Variants in PDE4D observed in about 807,000 individuals in gnomAD.
The protein encoded by PDE4D is phosphodiesterase 4D.
Under a neutral mutation model 87.4 loss-of-function variants are expected in PDE4D, and 24 were observed. The ratio of observed to expected loss-of-function variants is 0.27; its 90% CI spans 0.20 to 0.39. PDE4D has a LOEUF of 0.39. Ranked by LOEUF, PDE4D falls within the 10% of genes least tolerant of loss-of-function variation. The pLI, the probability that PDE4D is intolerant of heterozygous loss-of-function variation, is 1.00. For missense variants in PDE4D, 714 were observed against 1,041.0 expected, an observed-to-expected ratio of 0.69 and a Z score of 4.32; for synonymous variants, 384 against 383.2, an observed-to-expected ratio of 1.00 and a Z score of -0.02.
At chr5:59,211,083 A>T (rs964253906) in intron 2 of PDE4D, among the ~76,000 whole-genome samples, 1 of 152,188 alleles carries the variant, frequency 6.6e-6, no homozygotes, top group Admixed American at 6.6e-5. Flanking sequence ...ATGTTACTTC[A>T]TGACACCACT....
intron 2 of PDE4D, among the ~76,000 whole-genome samples, chr5:60,129,587 C>T (rs1179889412): frequency 1.3e-5 from 2 of 152,070 alleles, no homozygotes; most frequent in Non-Finnish European, 2.9e-5. Context: ...TTTGTATATC[C>T]ATGAAGCTGG....
chr5:59,996,548 G>A (rs1321451107), intron 2 of PDE4D, among the ~76,000 whole-genome samples: 1 of 152,128 alleles, frequency 6.6e-6, no homozygotes, highest in Admixed American at 6.5e-5. Context: ...CCATGAAATT[G>A]TTAATAATGC....
At chr5:59,128,159 C>CT (rs1450156509) in intron 5 of PDE4D, among the ~76,000 whole-genome samples, 1 of 151,988 alleles carries the variant, frequency 6.6e-6, no homozygotes, top group Non-Finnish European at 1.5e-5. Context: ...GACACAGTGG[C>CT]TAAGACCCTC....
At chr5:59,190,723 G>A (rs1744119344) in intron 3 of PDE4D, among the ~76,000 whole-genome samples, 1 of 152,158 alleles carries the variant, frequency 6.6e-6, no homozygotes, top group Non-Finnish European at 1.5e-5. Flanking sequence ...TGCCAATCAT[G>A]TCCAACAGGG....
chr5:59,098,422 G>C (rs1371671519), intron 5 of PDE4D, among the ~76,000 whole-genome samples: 1 of 152,074 alleles, frequency 6.6e-6, no homozygotes, highest in Non-Finnish European at 1.5e-5. Context: ...TGTAGCCTGG[G>C]CATGTTGGCT....
chr5:60,508,812 C>T (rs1750432815), intron 1 of PDE4D, among the ~76,000 whole-genome samples: 1 of 152,116 alleles, frequency 6.6e-6, no homozygotes, highest in Non-Finnish European at 1.5e-5. Flanking sequence ...AACACCCTGC[C>T]AGCAGCTCTA....
intron 5 of PDE4D, among the ~76,000 whole-genome samples, chr5:59,077,249 T>C (rs1040661864): frequency 1.3e-5 from 2 of 152,134 alleles, no homozygotes; most frequent in African/African-American, 2.4e-5. Context: ...AAATATTAGG[T>C]GTGTTATTGG....
intron 1 of PDE4D, among the ~76,000 whole-genome samples, chr5:59,462,865 T>G (rs766191461): frequency 9.9e-5 from 15 of 151,996 alleles, no homozygotes; most frequent in Non-Finnish European, 2.2e-4. Context: ...CAGAATGGAA[T>G]GAGCCTAAGG....
chr5:60,089,282 T>C (rs1057006160), intron 2 of PDE4D, among the ~76,000 whole-genome samples: 2 of 152,028 alleles, frequency 1.3e-5, no homozygotes, highest in Non-Finnish European at 2.9e-5. Context: ...GGATAGACCA[T>C]ATGTTAGGTA....
intron 1 of PDE4D, among the ~76,000 whole-genome samples, chr5:60,250,820 C>T (rs543350613): frequency 1.3e-5 from 2 of 151,956 alleles, no homozygotes; most frequent in South Asian, 4.1e-4. Flanking sequence ...AACTGTAAAA[C>T]AGCCTCAGGT....
At chr5:59,423,741 C>T (rs546501925) in intron 1 of PDE4D, among the ~76,000 whole-genome samples, 6 of 150,608 alleles carry the variant, frequency 4.0e-5, no homozygotes, top group Admixed American at 1.3e-4. Flanking sequence ...ACACAGTATA[C>T]ATGGGTGACA....
intron 3 of PDE4D, among the ~76,000 whole-genome samples, chr5:59,980,133 T>C (rs1451060097): frequency 6.6e-6 from 1 of 152,220 alleles, no homozygotes; most frequent in African/African-American, 2.4e-5. Context: ...ATTTTTTTCA[T>C]AAACACAAAT....
chr5:59,636,302 C>A (rs1042258706), intron 1 of PDE4D, among the ~76,000 whole-genome samples: 2 of 152,182 alleles, frequency 1.3e-5, no homozygotes, highest in African/African-American at 4.8e-5. Context: ...AATGGCCACA[C>A]TGTCCAAAGT....
chr5:60,379,444 A>T (rs919051902), intron 1 of PDE4D, among the ~76,000 whole-genome samples: 1 of 152,202 alleles, frequency 6.6e-6, no homozygotes, highest in Admixed American at 6.5e-5. Context: ...CAAAAAGGAC[A>T]TGGTCCACAG....
At chr5:59,839,167 G>A (rs171745) in intron 1 of PDE4D, among the ~76,000 whole-genome samples, 146,267 of 151,716 alleles carry the variant, frequency 0.96, 70,592 homozygotes, top group African/African-American at 0.99. Flanking sequence ...GAGAGTATCA[G>A]TGCTCCCAGC....
At chr5:60,468,206 T>C (rs1365321398) in intron 1 of PDE4D, among the ~76,000 whole-genome samples, 1 of 150,650 alleles carries the variant, frequency 6.6e-6, no homozygotes. Flanking sequence ...TGGTATGATT[T>C]CTGCTTACTG....
At chr5:59,017,320 A>G (rs1467991130) in intron 6 of PDE4D, among the ~76,000 whole-genome samples, 1 of 152,234 alleles carries the variant, frequency 6.6e-6, no homozygotes, top group Non-Finnish European at 1.5e-5. Flanking sequence ...GACTTGCACA[A>G]CAGAACTGAA....
intron 1 of PDE4D, among the ~76,000 whole-genome samples, chr5:60,306,952 C>T (rs550026075): frequency 1.2e-4 from 18 of 152,118 alleles, no homozygotes; most frequent in Middle Eastern, 3.4e-3. Flanking sequence ...CAATGGAAGC[C>T]TATTGTATTC....
chr5:59,680,319 T>C (rs1748795456), intron 1 of PDE4D, among the ~76,000 whole-genome samples: 1 of 152,172 alleles, frequency 6.6e-6, no homozygotes, highest in Non-Finnish European at 1.5e-5. Flanking sequence ...AAGACAAACT[T>C]GTTCAGATTT....
Sources: gnomAD v4.1 joint callset for allele counts (sites outside exome capture counted in the v4.1 genomes callset) on GRCh38, gnomAD v4.1.1 for gene constraint, MANE v1.5 for transcripts, NCBI Gene and HGNC (gene_info 2026-07-23, HGNC 2026-07-21) for gene names.